Variants in DNAJC19 observed in about 807,000 individuals in gnomAD.
DNAJC19 encodes DnaJ heat shock protein family (Hsp40) member C19.
A neutral mutation model predicts 19.8 loss-of-function variants in DNAJC19; 15 were observed. That is an observed-to-expected ratio of 0.76 (90% CI 0.51 to 1.17). The LOEUF (loss-of-function observed/expected upper bound fraction) is 1.17. Ranked by LOEUF, DNAJC19 falls within the 50% of genes most tolerant of loss-of-function variation. The probability of loss-of-function intolerance (pLI) is 0.00; values close to 1 mark genes in which losing one functional copy is unlikely to be tolerated. For missense variants in DNAJC19, 105 were observed against 140.9 expected (o/e 0.75, Z 1.29); for synonymous variants, 38 against 42.1 (o/e 0.90, Z 0.38).
intron 4 of DNAJC19, among the ~76,000 whole-genome samples, chr3:180,986,212 T>C (rs1714897504): frequency 6.6e-6 from 1 of 152,018 alleles, no homozygotes; most frequent in Non-Finnish European, 1.5e-5. Flanking sequence ...GAACTTGCAG[T>C]ACCCATTACA....
chr3:180,989,756 T>C (rs2108511247), upstream of DNAJC19: 1 of 1,275,126 alleles, frequency 7.8e-7, no homozygotes, highest in Non-Finnish European at 1.1e-6. Flanking sequence ...AGCCGCAAAC[T>C]AGGCCGGAAA....
At chr3:180,986,851 C>T in intron 4 of DNAJC19, 92 bp downstream of exon 4, 1 of 1,033,936 alleles carries the variant, frequency 9.7e-7, no homozygotes, top group Non-Finnish European at 1.5e-6. Flanking sequence ...CCCCCATGAC[C>T]CTCTCCTATT....
chr3:180,987,940 T>G (rs1714992245), intron 3 of DNAJC19, 83 bp downstream of exon 3: 1 of 1,514,334 alleles, frequency 6.6e-7, no homozygotes, highest in African/African-American at 1.4e-5. Flanking sequence ...ACTTAGAACT[T>G]CATGGATATT....
At chr3:180,987,411 C>T in intron 3 of DNAJC19, 1 of 278,370 alleles carries the variant, frequency 3.6e-6, no homozygotes, top group South Asian at 4.0e-5. Flanking sequence ...GTATTTGAAA[C>T]AAGACTTTAA....
Position 180,984,445 on chromosome 3 carries a change from A to G in DNAJC19, c.*195T>C. On this transcript the variant is annotated 3_prime_UTR_variant, in exon 6 of 6. Transcript: ENST00000382564. ...TTCAGAAGGTGTGTGCTTGCCCATAATTAATACGCAAATATTCTAAACTAT... is the reference window on the plus strand; with the variant it reads ...TTCAGAAGGTGTGTGCTTGCCCATAGTTAATACGCAAATATTCTAAACTAT... 1.6e-6 allele frequency: 1 copy of G among 606,262 alleles called. No homozygotes were observed. Among genetic ancestry groups the G allele is most frequent in the Non-Finnish European group, 3.1e-6 (1 of 318,272 alleles). 37.6% of individuals were successfully genotyped at this position (606,262 alleles called of 1,614,324 possible).
In DNAJC19 at chr3:180,983,992, G is replaced by A. The variant is rs1194552346; in HGVS notation, c.*648C>T. 6.6e-6 allele frequency: 3 copies of A among 453,950 alleles called. No homozygotes were observed. Among genetic ancestry groups the A allele is most frequent in the Admixed American group, 4.7e-5 (2 of 42,548 alleles). The allele number at this position is 453,950 out of a possible 1,614,324, so 28.1% of individuals were successfully genotyped here. A position where few individuals can be genotyped will look rare whatever the true frequency, so the allele number is the denominator to read the frequency against. ...GCGGGAGGACTGCTTAAACCCAGGAGGTTGAGGCTGCAATGAACTGTGATT... is the reference window on the plus strand; with the variant it reads ...GCGGGAGGACTGCTTAAACCCAGGAAGTTGAGGCTGCAATGAACTGTGATT... On this transcript the variant is annotated 3_prime_UTR_variant, in exon 6 of 6. Coordinates refer to ENST00000382564, the MANE Select transcript of DNAJC19 (RefSeq NM_145261.4).
rs1207132533 is a variant in DNAJC19 at position 180,985,994 on chromosome 3, G to C, written c.212C>G (p.Pro71Arg). The change falls in exon 5 of 6, where the codon CCT (proline) becomes CGT (arginine). Residue 71 changes from proline to arginine, a missense_variant and splice_region_variant. By Grantham distance (103) the Pro-to-Arg change is moderately radical. Transcript: ENST00000382564. ...TCTTATTTTCCCTTTATTGGCAGTAGGGCTAATTAAAAAAAGAAATGGTAT... is the reference window on the plus strand; with the variant it reads ...TCTTATTTTCCCTTTATTGGCAGTACGGCTAATTAAAAAAAGAAATGGTAT... ...REAALILGVS[P>R]TANKGKIRDA... 2 of 1,611,938 alleles carry C rather than the reference G, an allele frequency of 1.2e-6. No homozygotes were observed. The highest frequency in any genetic ancestry group is 2.7e-5 in the African/African-American group (2 of 74,816).
chr3:180,986,168 A>G (rs1225690988), intron 4 of DNAJC19, among the ~76,000 whole-genome samples, 172 bp from the exon 5 acceptor site: 1 of 152,194 alleles, frequency 6.6e-6, no homozygotes, highest in Non-Finnish European at 1.5e-5. Flanking sequence ...TTGGGAAACT[A>G]CTTAGAAAAG....
Position 180,987,962 on chromosome 3 carries a change from C to T in DNAJC19, c.129+61G>A, listed in dbSNP as rs74502555. 2,629 of 1,582,888 alleles carry T rather than the reference C, an allele frequency of 1.7e-3. 4 individuals carry two copies. Among genetic ancestry groups the T allele is most frequent in the Non-Finnish European group, 2.1e-3 (2,398 of 1,152,192 alleles). The stretch of plus-strand genomic sequence containing the variant: ...ACTTCATGGATATTTGGAAATTTAC[C>T]CTTCCCTAAGTGTGGCTCTAGGTTT... On this transcript the variant is annotated intron_variant, in intron 3 of 5. Coordinates refer to ENST00000382564, the MANE Select transcript of DNAJC19 (RefSeq NM_145261.4).
intron 4 of DNAJC19, among the ~76,000 whole-genome samples, chr3:180,986,410 T>A (rs942938547): frequency 2.0e-5 from 3 of 151,818 alleles, no homozygotes; most frequent in African/African-American, 7.3e-5. Context: ...GCCTTCCGAG[T>A]AGCTGGGATT....
Position 180,989,650 on chromosome 3 carries a change from A to C in DNAJC19, c.-48T>G, listed in dbSNP as rs1452899084. The C allele has an allele frequency of 1.3e-6, 2 of 1,577,048 alleles. No individual in the cohort carries two copies. The highest frequency in any genetic ancestry group is 1.7e-6 in the Non-Finnish European group (2 of 1,161,864). ...TTCCACCGGGAGCACGGCTCATCCC[A>C]GCTCAGAGGCCGCGGCCAACACCTG... On this transcript the variant is annotated 5_prime_UTR_variant, in exon 1 of 6. Coordinates refer to ENST00000382564, the MANE Select transcript of DNAJC19 (RefSeq NM_145261.4).
chr3:180,987,088 G>A, intron 3 of DNAJC19, 66 bp from the exon 4 acceptor site: 2 of 1,406,132 alleles, frequency 1.4e-6, no homozygotes, highest in Non-Finnish European at 2.0e-6. Flanking sequence ...AAAGACGTCT[G>A]GAAATATTCA....
At chr3:180,987,709 C>T (rs1714983045) in intron 3 of DNAJC19, 7 of 396,070 alleles carry the variant, frequency 1.8e-5, no homozygotes, top group East Asian at 5.9e-5. Context: ...TCTGTGTGTG[C>T]GATGCAGAGC....
rs145786060 is a variant in DNAJC19, at chr3:180,988,089, G to A, written c.63C>T (p.Tyr21=). 3.0e-5 allele frequency: 48 copies of A among 1,614,090 alleles called. No individual in the cohort carries two copies. Among genetic ancestry groups the A allele is most frequent in the Middle Eastern group, 1.6e-4 (1 of 6,062 alleles). The change falls in exon 3 of 6, where the codon TAC becomes TAT. Residue 21 remains tyrosine (Y), a synonymous_variant. Coordinates refer to ENST00000382564, the MANE Select transcript of DNAJC19 (RefSeq NM_145261.4). ...CCATATGCTTCATGGCTTGCAAAAC[G>A]TAACGGCCTAAAACCAAAAGCAACA... ...TIAAAGFAGR[Y]VLQAMKHMEP...
chr3:180,989,705 C>G lies in DNAJC19; in HGVS notation c.-103G>C. The stretch of plus-strand genomic sequence containing the variant: ...CCTTTACCAGAGAGCGACGCAACCC[C>G]CAACCTCAAGCACAGGCGCCCTACG... On this transcript the variant is annotated 5_prime_UTR_variant, in exon 1 of 6. Transcript: ENST00000382564. 1 of 1,540,946 alleles carries G rather than the reference C, an allele frequency of 6.5e-7. No homozygotes were observed. Among genetic ancestry groups the G allele is most frequent in the Admixed American group, 2.0e-5 (1 of 51,064 alleles).
intron 3 of DNAJC19, 188 bp from the exon 4 acceptor site, chr3:180,987,210 T>A (rs1714956359): frequency 3.2e-6 from 2 of 621,790 alleles, no homozygotes; most frequent in African/African-American, 3.7e-5. Flanking sequence ...AGTATTTTAA[T>A]GATCATTAAA....
chr3:180,989,576 A>G (rs1240540077), intron 1 of DNAJC19, 24 bp downstream of exon 1: 3 of 1,575,900 alleles, frequency 1.9e-6, no homozygotes, highest in Admixed American at 1.8e-5. Flanking sequence ...GAGGTCGCCA[A>G]GAAGACCGGA....
In DNAJC19 at chr3:180,989,655, A is replaced by G. The variant is rs780519927; in HGVS notation, c.-53T>C. On this transcript the variant is annotated 5_prime_UTR_variant, in exon 1 of 6. Transcript: ENST00000382564. The stretch of plus-strand genomic sequence containing the variant: ...CCGGGAGCACGGCTCATCCCAGCTC[A>G]GAGGCCGCGGCCAACACCTGCACGC... The G allele has an allele frequency of 3.8e-6, 6 of 1,572,356 alleles. No individual in the cohort carries two copies. The highest frequency in any genetic ancestry group is 5.2e-6 in the Non-Finnish European group (6 of 1,159,298).
At chr3:180,985,291 T>A (rs1251858742) in intron 5 of DNAJC19, 3 of 153,942 alleles carry the variant, frequency 1.9e-5, no homozygotes, top group Admixed American at 1.3e-4. Context: ...GGAAATTTAG[T>A]ATAAATGCAT....
Sources: allele counts gnomAD v4.1 joint callset (sites outside exome capture counted in the v4.1 genomes callset), GRCh38; gene constraint gnomAD v4.1.1; transcripts MANE v1.5; gene names NCBI Gene and HGNC (gene_info 2026-07-23, HGNC 2026-07-21).